The following ARHGAP28 variants were observed in gnomAD, a reference collection of about 807,000 sequenced individuals.
The protein encoded by ARHGAP28 is Rho GTPase activating protein 28, also known as rho GTPase-activating protein 28.
Under a neutral mutation model 90.7 loss-of-function variants are expected in ARHGAP28, and 56 were observed. That is an observed-to-expected ratio of 0.62 (90% CI 0.50 to 0.77). The LOEUF is 0.77. Among genes scored for constraint, ARHGAP28 ranks in the 30% least tolerant of loss-of-function variants. ARHGAP28 has a pLI of 0.00. For missense variants in ARHGAP28, 869 were observed against 900.9 expected, an observed-to-expected ratio of 0.96 and a Z score of 0.45; for synonymous variants, 308 against 323.3, an observed-to-expected ratio of 0.95 and a Z score of 0.51.
At chr18:6,882,796 ATTACAAAGTCACATCATGTTTCTGAAAG>A (rs1046872455) in intron 11 of ARHGAP28, among the ~76,000 whole-genome samples, 2 of 152,256 alleles carry the variant, frequency 1.3e-5, no homozygotes, top group Non-Finnish European at 2.9e-5. Flanking sequence ...GTCTCTGAAA[ATTACAAAGTCACATCATGTTTCTGAAAG>A]TTACAAAGTC....
chr18:6,769,148 G>T (rs1348303696), intron 1 of ARHGAP28, among the ~76,000 whole-genome samples: 4 of 151,982 alleles, frequency 2.6e-5, no homozygotes. Context: ...CGGGGCCATT[G>T]ATTGTGCCCT....
chr18:6,840,682 T>TC (rs1050408545), intron 3 of ARHGAP28, among the ~76,000 whole-genome samples: 1 of 152,132 alleles, frequency 6.6e-6, no homozygotes, highest in African/African-American at 2.4e-5. Flanking sequence ...TTCCTCCCAG[T>TC]CCTGCTGCTG....
chr18:6,864,707 G>T (rs1000351748), intron 5 of ARHGAP28, among the ~76,000 whole-genome samples: 4 of 151,888 alleles, frequency 2.6e-5, no homozygotes, highest in Non-Finnish European at 4.4e-5. Flanking sequence ...ATTTTTGAGA[G>T]AAAGTCTTGC....
chr18:6,877,957 TG>T (rs1475067270), intron 10 of ARHGAP28, among the ~76,000 whole-genome samples: 1 of 151,156 alleles, frequency 6.6e-6, no homozygotes, highest in African/African-American at 2.4e-5. Flanking sequence ...TTCCTCTGTG[TG>T]TGTGTGTGTG....
At chr18:6,788,531 G>T (rs868425426) in intron 1 of ARHGAP28, 1 of 151,648 alleles carries the variant, frequency 6.6e-6, no homozygotes, top group East Asian at 1.9e-4. Context: ...GAGTGATCTC[G>T]GCTCACTGCA....
At chr18:6,740,741 TG>T (rs1445447638) in intron 1 of ARHGAP28, among the ~76,000 whole-genome samples, 1 of 152,242 alleles carries the variant, frequency 6.6e-6, no homozygotes, top group African/African-American at 2.4e-5. Flanking sequence ...CAGAGTATGT[TG>T]CTAATGAGAA....
At chr18:6,782,922 G>A (rs905082257) in intron 1 of ARHGAP28, among the ~76,000 whole-genome samples, 2 of 151,894 alleles carry the variant, frequency 1.3e-5, no homozygotes, top group Non-Finnish European at 1.5e-5. Context: ...CCCAAATCTT[G>A]GAAATCCATC....
chr18:6,893,839 T>C (rs1216969160), intron 14 of ARHGAP28, among the ~76,000 whole-genome samples: 1 of 151,456 alleles, frequency 6.6e-6, no homozygotes, highest in Non-Finnish European at 1.5e-5. Context: ...AGTTTTTCTT[T>C]CGTACTATTG....
chr18:6,894,900 A>T lies in ARHGAP28; in HGVS notation c.1905+9A>T, dbSNP rs2057293847. ...CCTCGGCAAGACGAATGGTAAGAAAAATAATTTCTTTTCCCTTCCATTAAC... is the reference window on the plus strand; with the variant it reads ...CCTCGGCAAGACGAATGGTAAGAAATATAATTTCTTTTCCCTTCCATTAAC... On this transcript the variant is annotated intron_variant, in intron 15 of 17. Coordinates refer to ENST00000383472, the MANE Select transcript of ARHGAP28 (RefSeq NM_001366230.1). 2.5e-6 allele frequency: 4 copies of T among 1,613,338 alleles called. No individual in the cohort carries two copies. The African/African-American group carries it at 5.3e-5, about 22-fold the overall frequency.
chr18:6,782,842 A>C (rs2056336574), intron 1 of ARHGAP28, among the ~76,000 whole-genome samples: 3 of 151,688 alleles, frequency 2.0e-5, no homozygotes, highest in Non-Finnish European at 4.4e-5. Flanking sequence ...TTCTGATTGG[A>C]TCTTTTTAGG....
chr18:6,796,376 AC>A (rs1184164182), intron 1 of ARHGAP28, among the ~76,000 whole-genome samples: 3 of 152,086 alleles, frequency 2.0e-5, no homozygotes, highest in Admixed American at 6.5e-5. Flanking sequence ...TCCCCCGAGC[AC>A]CCCTGCTATA....
chr18:6,842,731 C>A (rs1405154557), intron 3 of ARHGAP28, among the ~76,000 whole-genome samples: 1 of 152,050 alleles, frequency 6.6e-6, no homozygotes, highest in African/African-American at 2.4e-5. Flanking sequence ...CAGAACTCTC[C>A]TGTGAATAGG....
intron 1 of ARHGAP28, among the ~76,000 whole-genome samples, chr18:6,773,565 C>T (rs1477994728): frequency 6.6e-6 from 1 of 152,122 alleles, no homozygotes; most frequent in Admixed American, 6.5e-5. Context: ...CAGAAGGGCT[C>T]AAAGCTAGTA....
chr18:6,875,486 G>A (rs2057123857), intron 9 of ARHGAP28, among the ~76,000 whole-genome samples: 1 of 152,158 alleles, frequency 6.6e-6, no homozygotes, highest in Admixed American at 6.5e-5. Context: ...AGCACTGTGA[G>A]GTGCTTTATT....
intron 16 of ARHGAP28, among the ~76,000 whole-genome samples, chr18:6,906,778 T>C (rs1567989970): frequency 1.3e-5 from 2 of 152,082 alleles, no homozygotes; most frequent in Admixed American, 6.5e-5. Flanking sequence ...AATTGATAAA[T>C]TGACCTCACC....
rs938442455 is a variant in ARHGAP28, at chr18:6,824,744, A to G, written c.123-18A>G. On this transcript the variant is annotated intron_variant, in intron 1 of 17. Transcript: ENST00000383472. ...AAATATAACCCGTTTTTATTCATAG[A>G]TATTATTCTTTCCTCAGAAAATCCA... 7.9e-6 allele frequency: 12 copies of G among 1,524,410 alleles called. No individual in the cohort carries two copies. The Admixed American group carries it at 2.1e-4, about 26-fold the overall frequency. 94.4% of individuals were successfully genotyped at this position (1,524,410 alleles called of 1,614,324 possible).
chr18:6,810,930 G>A (rs978191874), intron 1 of ARHGAP28, among the ~76,000 whole-genome samples: 1 of 152,092 alleles, frequency 6.6e-6, no homozygotes, highest in African/African-American at 2.4e-5. Flanking sequence ...GTGGTCATGG[G>A]GGTGGGGTGC....
intron 1 of ARHGAP28, among the ~76,000 whole-genome samples, chr18:6,803,773 T>G (rs981442558): frequency 2.6e-5 from 4 of 151,918 alleles, no homozygotes; most frequent in Non-Finnish European, 5.9e-5. Context: ...TTTCTTATTT[T>G]TATTTTTATT....
chr18:6,821,190 G>A (rs2056624496), intron 1 of ARHGAP28, among the ~76,000 whole-genome samples: 1 of 152,102 alleles, frequency 6.6e-6, no homozygotes, highest in Non-Finnish European at 1.5e-5. Flanking sequence ...TAGTAATAAA[G>A]ATCTCTGGTA....
Sources: allele counts gnomAD v4.1 joint callset (sites outside exome capture counted in the v4.1 genomes callset), GRCh38; gene constraint gnomAD v4.1.1; transcripts MANE v1.5; gene names NCBI Gene and HGNC (gene_info 2026-07-23, HGNC 2026-07-21).